VWA3B: variants seen among roughly 807,000 people sequenced by gnomAD.
The protein encoded by VWA3B is von Willebrand factor A domain-containing protein 3B.
A neutral mutation model predicts 158.3 loss-of-function variants in VWA3B; 138 were observed. The observed-to-expected ratio is 0.87, with a 90% CI of 0.76 to 1.00. The LOEUF (loss-of-function observed/expected upper bound fraction) is 1.00, where lower values mean the gene tolerates loss of function less well. Ranked by LOEUF, VWA3B falls within the 50% of genes least tolerant of loss-of-function variation. VWA3B has a pLI of 0.00. For missense variants in VWA3B, 1,555 were observed against 1,565.1 expected, an observed-to-expected ratio of 0.99 and a Z score of 0.11; for synonymous variants, 596 against 587.3, an observed-to-expected ratio of 1.01 and a Z score of -0.21.
chr2:98,196,237 T>C (rs761824761), intron 12 of VWA3B, among the ~76,000 whole-genome samples: 3 of 152,162 alleles, frequency 2.0e-5, no homozygotes, highest in Non-Finnish European at 4.4e-5. Context: ...CAATGTATTG[T>C]ATACTTGAAA....
In VWA3B at chr2:98,236,470, GACC is replaced by G. The variant is rs755326622; in HGVS notation, c.2512_2514del (p.His838del). 6.2e-7 allele frequency: 1 copy of G among 1,614,208 alleles called. No homozygotes were observed. Among genetic ancestry groups the G allele is most frequent in the Admixed American group, 1.7e-5 (1 of 60,028 alleles). On this transcript the variant is annotated inframe_deletion, in exon 18 of 28. Transcript: ENST00000477737. ...GACGCGAGAAGGAAGCCAGGTTTAT[GACC>G]ACGAGTGAGTTCTTTAATTTGACAA... is the stretch of plus-strand genomic sequence containing the variant.
chr2:98,294,390 C>T (rs10177064), intron 23 of VWA3B, among the ~76,000 whole-genome samples: 5,797 of 152,248 alleles, frequency 0.038, 134 homozygotes, highest in South Asian at 0.065. Flanking sequence ...TGGATTGAGG[C>T]GTCCACTACA....
At chr2:98,300,626 C>T (rs1558776333) in intron 25 of VWA3B, among the ~76,000 whole-genome samples, 2 of 152,052 alleles carry the variant, frequency 1.3e-5, no homozygotes, top group Admixed American at 1.3e-4. Flanking sequence ...CCTGGGCCAC[C>T]GCTAGTGCTG....
At chr2:98,128,217 C>T (rs376077488) in intron 5 of VWA3B, 22 bp from the exon 6 acceptor site, 4 of 1,612,300 alleles carry the variant, frequency 2.5e-6, no homozygotes, top group East Asian at 2.2e-5. Context: ...GGAGATAAAC[C>T]GTTGGCACCA....
intron 6 of VWA3B, 49 bp from the exon 7 acceptor site, chr2:98,133,775 A>G (rs1559560534): frequency 8.5e-6 from 13 of 1,538,432 alleles, no homozygotes; most frequent in Non-Finnish European, 1.2e-5. Context: ...ACAAGCATGC[A>G]CGGACACCTG....
At chr2:98,233,452 T>A (rs553954276) in intron 16 of VWA3B, among the ~76,000 whole-genome samples, 1 of 152,338 alleles carries the variant, frequency 6.6e-6, no homozygotes, top group South Asian at 2.1e-4. Flanking sequence ...TCTGATTGTT[T>A]TGCCTGGTAA....
intron 3 of VWA3B, among the ~76,000 whole-genome samples, chr2:98,115,998 C>T (rs953811364): frequency 2.0e-5 from 3 of 152,040 alleles, no homozygotes; most frequent in Admixed American, 6.5e-5. Context: ...ATTACCACTT[C>T]GTTTTGCTTT....
Position 98,171,026 on chromosome 2 carries a change from C to T in VWA3B, c.1114+8050C>T, listed in dbSNP as rs144617239. Among the ~76,000 whole-genome samples, 169 of 152,308 alleles carry T rather than the reference C, an allele frequency of 1.1e-3. 1 individual carries two copies. Among genetic ancestry groups the T allele is most frequent in the Non-Finnish European group, 1.9e-3 (129 of 68,032 alleles). On this transcript the variant is annotated intron_variant, in intron 8 of 27. Coordinates refer to ENST00000477737, the MANE Select transcript of VWA3B (RefSeq NM_144992.5). Reference sequence around the variant, plus strand: ...AATGATAATGATAATACCTACTCCACGGACTGTTAGGAAAGTTACATCAGA... The same window carrying T: ...AATGATAATGATAATACCTACTCCATGGACTGTTAGGAAAGTTACATCAGA...
chr2:98,306,831 T>C (rs1394675988), intron 26 of VWA3B, among the ~76,000 whole-genome samples: 2 of 152,242 alleles, frequency 1.3e-5, no homozygotes, highest in Non-Finnish European at 2.9e-5. Context: ...GAAGTCTTCA[T>C]TGACTCTCGA....
intron 19 of VWA3B, chr2:98,245,408 G>A (rs1574183390): frequency 2.7e-6 from 1 of 376,792 alleles, no homozygotes; most frequent in Admixed American, 3.4e-5. Flanking sequence ...AACATTTCCT[G>A]TGATCTCCAC....
At chr2:98,117,029 T>A (rs1295942803) in intron 3 of VWA3B, among the ~76,000 whole-genome samples, 1 of 152,206 alleles carries the variant, frequency 6.6e-6, no homozygotes, top group Non-Finnish European at 1.5e-5. Flanking sequence ...ATTTTACCAT[T>A]TTCCTTGGAT....
chr2:98,183,007 G>C (rs1436499184), intron 9 of VWA3B, among the ~76,000 whole-genome samples: 2 of 152,150 alleles, frequency 1.3e-5, no homozygotes, highest in African/African-American at 4.8e-5. Context: ...CAACAATGTA[G>C]TATATTCAAG....
intron 22 of VWA3B, among the ~76,000 whole-genome samples, chr2:98,278,119 A>C (rs550085295): frequency 1.3e-5 from 2 of 152,330 alleles, no homozygotes; most frequent in East Asian, 3.9e-4. Context: ...ACTGTTCTCC[A>C]GTGGAACAAG....
At chr2:98,260,161 A>G (rs953024925) in intron 21 of VWA3B, among the ~76,000 whole-genome samples, 1 of 151,792 alleles carries the variant, frequency 6.6e-6, no homozygotes, top group East Asian at 1.9e-4. Context: ...TATCCCAGAA[A>G]ATGTTACATG....
At chr2:98,268,343 T>C (rs561290228) in intron 21 of VWA3B, among the ~76,000 whole-genome samples, 1 of 152,220 alleles carries the variant, frequency 6.6e-6, no homozygotes, top group Non-Finnish European at 1.5e-5. Flanking sequence ...TTATCCACCA[T>C]GATCAAGTGG....
intron 22 of VWA3B, among the ~76,000 whole-genome samples, chr2:98,282,994 G>GA (rs935177147): frequency 6.8e-4 from 104 of 152,022 alleles, no homozygotes; most frequent in Admixed American, 1.1e-3. Context: ...GATAACTATA[G>GA]AAAAAAAGAG....
At chr2:98,150,964 T>C (rs1354028193) in intron 7 of VWA3B, among the ~76,000 whole-genome samples, 1 of 152,246 alleles carries the variant, frequency 6.6e-6, no homozygotes, top group East Asian at 1.9e-4. Flanking sequence ...TGATGGCATA[T>C]ATCTTGCACT....
rs1486616069 is a variant in VWA3B, at chr2:98,204,838, G to T, written c.1738-7092G>T. Among the ~76,000 whole-genome samples, 3 of 152,150 alleles carry T rather than the reference G, an allele frequency of 2.0e-5. No homozygotes were observed. In the East Asian group the frequency reaches 5.8e-4, roughly 29 times the overall value. On this transcript the variant is annotated intron_variant, in intron 12 of 27. Coordinates refer to ENST00000477737, the MANE Select transcript of VWA3B (RefSeq NM_144992.5). Reference sequence around the variant, plus strand: ...AAAATTCTCTAGTGCGGCCAGGCACGGTAGGTCACATCTGTAATCCCAGCA... The same window carrying T: ...AAAATTCTCTAGTGCGGCCAGGCACTGTAGGTCACATCTGTAATCCCAGCA...
chr2:98,325,040 C>T, the VWA3B span, among the ~76,000 whole-genome samples: 1 of 152,078 alleles, frequency 6.6e-6, no homozygotes, highest in African/African-American at 2.4e-5. Flanking sequence ...AATAGGACTT[C>T]AGAAACTGTG....
Sources: gnomAD v4.1 joint callset for allele counts (sites outside exome capture counted in the v4.1 genomes callset) on GRCh38, gnomAD v4.1.1 for gene constraint, MANE v1.5 for transcripts, NCBI Gene and HGNC (gene_info 2026-07-23, HGNC 2026-07-21) for gene names.